The following WDR44 variants were observed in gnomAD, a reference collection of about 807,000 sequenced individuals.
WDR44 encodes WD repeat domain 44.
In WDR44, 9 loss-of-function variants were observed where a neutral mutation model predicts 65.7. The ratio of observed to expected loss-of-function variants is 0.14; its 90% CI spans 0.08 to 0.24. The LOEUF is 0.24. Among genes scored for constraint, WDR44 ranks in the 10% least tolerant of loss-of-function variants. The probability of loss-of-function intolerance (pLI) is 1.00; values close to 1 mark genes in which losing one functional copy is unlikely to be tolerated. For synonymous variants in WDR44, 220 were observed against 235.2 expected, an observed-to-expected ratio of 0.94 and a Z score of 0.59; for missense variants, 425 against 670.9, an observed-to-expected ratio of 0.63 and a Z score of 4.05.
intron 1 of WDR44, among the ~76,000 whole-genome samples, chrX:118,356,737 A>T (rs2056463288): frequency 1.5e-5 from 1 of 65,693 alleles, no homozygotes; most frequent in Non-Finnish European, 2.8e-5. Flanking sequence ...TTGTAATAAT[A>T]GTAAAGGGCT....
chrX:118,385,685 T>C (rs1038361187), intron 2 of WDR44, among the ~76,000 whole-genome samples: 8 of 110,625 alleles, frequency 7.2e-5, no homozygotes, highest in Non-Finnish European at 1.5e-4. Flanking sequence ...TAGGATAATG[T>C]GATAGAAAGT....
At chrX:118,428,410 G>A (rs1223181901) in intron 12 of WDR44, among the ~76,000 whole-genome samples, 1 of 111,109 alleles carries the variant, frequency 9.0e-6, no homozygotes, top group Non-Finnish European at 1.9e-5. Context: ...AAAGCACTGG[G>A]ATTACAGGGA....
intron 6 of WDR44, 63 bp from the exon 7 acceptor site, chrX:118,396,907 A>T: frequency 1.8e-6 from 2 of 1,093,322 alleles, no homozygotes; most frequent in Non-Finnish European, 2.4e-6. Flanking sequence ...GATTTTGTAG[A>T]CTCAAAAAGA....
At chrX:118,391,767 T>C (rs2056822523) in intron 3 of WDR44, among the ~76,000 whole-genome samples, 1 of 111,898 alleles carries the variant, frequency 8.9e-6, no homozygotes, top group African/African-American at 3.2e-5. Context: ...GTGGATCACA[T>C]GAGGTCGGGA....
intron 13 of WDR44, among the ~76,000 whole-genome samples, chrX:118,433,751 T>G: frequency 8.9e-6 from 1 of 112,066 alleles, no homozygotes; most frequent in Non-Finnish European, 1.9e-5. Context: ...CTAGTAAATA[T>G]AAAACACTTG....
At chrX:118,375,364 A>G (rs934242578) in intron 1 of WDR44, among the ~76,000 whole-genome samples, 10 of 109,134 alleles carry the variant, frequency 9.2e-5, no homozygotes, top group Non-Finnish European at 1.9e-4. Context: ...TGAATTTTGT[A>G]CCACATGGAA....
At chrX:118,398,518 A>C (rs2056885182) in intron 8 of WDR44, 48 bp downstream of exon 8, 1 of 1,011,161 alleles carries the variant, frequency 9.9e-7, no homozygotes, top group African/African-American at 1.9e-5. Context: ...TTTATTTAAA[A>C]AAATATGAGA....
At chrX:118,418,962 G>T (rs751640134) in intron 12 of WDR44, among the ~76,000 whole-genome samples, 1 of 110,320 alleles carries the variant, frequency 9.1e-6, no homozygotes, top group African/African-American at 3.3e-5. Flanking sequence ...TCAGGGAAGC[G>T]GGGGAAAGCT....
intron 2 of WDR44, 67 bp downstream of exon 2, chrX:118,378,519 A>G (rs1359471648): frequency 2.3e-5 from 25 of 1,068,769 alleles, no homozygotes; most frequent in Non-Finnish European, 3.2e-5. Context: ...TTTTTGTGTA[A>G]TTCTTCATTT....
At chrX:118,352,318 T>TTATATATA in intron 1 of WDR44, among the ~76,000 whole-genome samples, 19 of 16,854 alleles carry the variant, frequency 1.1e-3, no homozygotes, top group Non-Finnish European at 1.6e-3. Flanking sequence ...CCCAGCTAAT[T>TTATATATA]TATATATATA....
rs1359710383 is a variant in WDR44, at chrX:118,449,222, G to A, written c.*235G>A. 4.7e-6 allele frequency: 1 copy of A among 213,776 alleles called. No homozygotes were observed. Among genetic ancestry groups the A allele is most frequent in the East Asian group, 7.8e-5 (1 of 12,812 alleles). 17.6% of individuals were successfully genotyped at this position (213,776 alleles called of 1,213,427 possible). A position where few individuals can be genotyped will look rare whatever the true frequency, so the allele number is the denominator to read the frequency against. On this transcript the variant is annotated 3_prime_UTR_variant, in exon 20 of 20. Coordinates refer to ENST00000254029, the MANE Select transcript of WDR44 (RefSeq NM_019045.5). The stretch of plus-strand genomic sequence containing the variant: ...AGGCTTTATGTTTTGTTATGTTTGT[G>A]TTTTCGTTGTATAATTATGAACATG...
At chrX:118,439,220 G>T (rs1175932893) in intron 14 of WDR44, among the ~76,000 whole-genome samples, 3 of 109,744 alleles carry the variant, frequency 2.7e-5, no homozygotes, top group African/African-American at 9.9e-5. Flanking sequence ...GCCTTTTTTT[G>T]GGGGGGAAAT....
Position 118,392,962 on chromosome X carries a change from A to G in WDR44, c.517A>G (p.Thr173Ala). 1 of 1,212,408 alleles carries G rather than the reference A, an allele frequency of 8.2e-7. No individual in the cohort carries two copies. The highest frequency in any genetic ancestry group is 1.1e-6 in the Non-Finnish European group (1 of 895,676). ...GCAGCTTAATGTGCTTGAAACTGAAACAGAAGTATTGAACAAGGAAGCAGT... is the reference window on the plus strand; with the variant it reads ...GCAGCTTAATGTGCTTGAAACTGAAGCAGAAGTATTGAACAAGGAAGCAGT... The part of the protein sequence containing the change: ...TEQLNVLETE[T>A]EVLNKEAVEV... The change falls in exon 4 of 20, where the codon ACA (threonine) becomes GCA (alanine). Residue 173 changes from threonine (T) to alanine (A), a missense_variant. Around this residue, in one of 5 missense-constraint regions of WDR44, gnomAD observed 193 missense variants for 209.0 expected, o/e 0.92. Transcript: ENST00000254029.
chrX:118,435,156 T>G (rs1459809047), intron 13 of WDR44, among the ~76,000 whole-genome samples: 4 of 112,496 alleles, frequency 3.6e-5, no homozygotes, highest in Non-Finnish European at 7.5e-5. Context: ...GAACAAGTCT[T>G]AACATGTCTT....
intron 1 of WDR44, among the ~76,000 whole-genome samples, chrX:118,354,510 C>T (rs1405681955): frequency 1.8e-5 from 2 of 110,787 alleles, no homozygotes; most frequent in African/African-American, 3.3e-5. Flanking sequence ...TTCACTTTCT[C>T]CACAGAGTCC....
chrX:118,388,712 G>C (rs2147698722), intron 3 of WDR44, among the ~76,000 whole-genome samples: 1 of 111,824 alleles, frequency 8.9e-6, no homozygotes, highest in Non-Finnish European at 1.9e-5. Context: ...ATAAGAAATT[G>C]CCTATAATTC....
At chrX:118,363,546 C>T (rs1040866750) in intron 1 of WDR44, among the ~76,000 whole-genome samples, 1 of 110,917 alleles carries the variant, frequency 9.0e-6, no homozygotes, top group Non-Finnish European at 1.9e-5. Context: ...TAGTGGTTAC[C>T]TCTAAGGGAG....
chrX:118,411,515 C>T (rs934934979), intron 12 of WDR44, among the ~76,000 whole-genome samples: 4 of 111,481 alleles, frequency 3.6e-5, no homozygotes, highest in African/African-American at 1.3e-4. Flanking sequence ...AACAAGAGAA[C>T]CTAAAATGTC....
intron 12 of WDR44, among the ~76,000 whole-genome samples, chrX:118,426,408 TA>T (rs2057157148): frequency 1.8e-5 from 2 of 111,679 alleles, no homozygotes; most frequent in Non-Finnish European, 3.8e-5. Context: ...ATGCCCATAA[TA>T]AAAAGACAGT....
Sources: gnomAD v4.1 joint callset for allele counts (sites outside exome capture counted in the v4.1 genomes callset) on GRCh38, gnomAD v4.1.1 for gene constraint, gnomAD v4.1.1 regional missense constraint, MANE v1.5 for transcripts, NCBI Gene and HGNC (gene_info 2026-07-23, HGNC 2026-07-21) for gene names.